RPH3A: variants seen among roughly 807,000 people sequenced by gnomAD.
RPH3A encodes rabphilin-3A.
RPH3A carries 48 observed loss-of-function variants against 102.2 expected under a neutral mutation model. The ratio of observed to expected loss-of-function variants is 0.47; its 90% CI spans 0.37 to 0.60. The LOEUF (loss-of-function observed/expected upper bound fraction) is 0.60. Among genes scored for constraint, RPH3A ranks in the 20% least tolerant of loss-of-function variants. RPH3A has a pLI of 0.00. For synonymous variants in RPH3A, 310 were observed against 324.3 expected, an observed-to-expected ratio of 0.96 and a Z score of 0.47; for missense variants, 781 against 910.1, an observed-to-expected ratio of 0.86 and a Z score of 1.83.
intron 17 of RPH3A, 21 bp downstream of exon 17, chr12:112,887,944 G>C: frequency 6.2e-7 from 1 of 1,611,530 alleles, no homozygotes; most frequent in East Asian, 2.2e-5. Context: ...TTACCCTGAG[G>C]ATCTGATGGG....
chr12:112,878,614 A>G (rs575152141), intron 13 of RPH3A, among the ~76,000 whole-genome samples: 6 of 152,344 alleles, frequency 3.9e-5, no homozygotes, highest in African/African-American at 1.4e-4. Flanking sequence ...TTGAGTGACT[A>G]TGATGGTAGC....
chr12:112,865,660 C>A, intron 6 of RPH3A, 117 bp downstream of exon 6: 1 of 1,140,574 alleles, frequency 8.8e-7, no homozygotes, highest in Non-Finnish European at 1.2e-6. Flanking sequence ...CTGAAGATCA[C>A]TTGCCAGGAT....
At chr12:112,887,662 A>G in intron 16 of RPH3A, 135 bp from the exon 17 acceptor site, 1 of 993,384 alleles carries the variant, frequency 1.0e-6, no homozygotes, top group Non-Finnish European at 1.5e-6. Context: ...TGGTCCAGTG[A>G]TAAATAAACA....
At chr12:112,759,139 G>A (rs2040838616) in intron 1 of RPH3A, among the ~76,000 whole-genome samples, 1 of 152,170 alleles carries the variant, frequency 6.6e-6, no homozygotes, top group African/African-American at 2.4e-5. Flanking sequence ...TGTTTTGAAA[G>A]CATGCAACAG....
At chr12:112,803,954 G>T (rs2041405720) in intron 2 of RPH3A, among the ~76,000 whole-genome samples, 1 of 152,196 alleles carries the variant, frequency 6.6e-6, no homozygotes, top group Non-Finnish European at 1.5e-5. Flanking sequence ...GTGGCTGCGA[G>T]AATTCCATGA....
At chr12:112,856,566 G>A (rs1176607592) in intron 5 of RPH3A, among the ~76,000 whole-genome samples, 1 of 151,950 alleles carries the variant, frequency 6.6e-6, no homozygotes, top group African/African-American at 2.4e-5. Flanking sequence ...GGATATATAT[G>A]TGTGGATGCA....
At chr12:112,620,832 C>A (rs2039716467) in intron 1 of RPH3A, among the ~76,000 whole-genome samples, 1 of 152,040 alleles carries the variant, frequency 6.6e-6, no homozygotes, top group Admixed American at 6.5e-5. Flanking sequence ...TTTCCTACTC[C>A]ACATCCAATT....
intron 5 of RPH3A, among the ~76,000 whole-genome samples, chr12:112,853,631 C>T (rs915189900): frequency 2.4e-4 from 36 of 152,124 alleles, no homozygotes; most frequent in African/African-American, 8.2e-4. Context: ...GAGTTTGAGA[C>T]CAGCCTGGCC....
At chr12:112,859,569 A>G (rs1206095440) in intron 5 of RPH3A, among the ~76,000 whole-genome samples, 2 of 152,056 alleles carry the variant, frequency 1.3e-5, no homozygotes, top group Non-Finnish European at 2.9e-5. Context: ...CACAATGGAG[A>G]TATTCAGGTG....
intron 1 of RPH3A, among the ~76,000 whole-genome samples, chr12:112,772,896 C>T (rs958945252): frequency 2.6e-5 from 4 of 152,008 alleles, no homozygotes; most frequent in East Asian, 1.9e-4. Context: ...TCCCACTCTT[C>T]CCCTCAAGTA....
At chr12:112,761,427 C>A (rs1320557697) in intron 1 of RPH3A, among the ~76,000 whole-genome samples, 1 of 152,194 alleles carries the variant, frequency 6.6e-6, no homozygotes, top group African/African-American at 2.4e-5. Flanking sequence ...TAAAGCAATC[C>A]CCCTCTTTCT....
At chr12:112,764,038 G>C (rs1229254515) in intron 1 of RPH3A, among the ~76,000 whole-genome samples, 1 of 152,186 alleles carries the variant, frequency 6.6e-6, no homozygotes, top group Non-Finnish European at 1.5e-5. Flanking sequence ...ACCTTGGCAG[G>C]ATATTTGAGG....
At chr12:112,753,240 T>C (rs556685935) in intron 1 of RPH3A, among the ~76,000 whole-genome samples, 9 of 152,306 alleles carry the variant, frequency 5.9e-5, no homozygotes, top group African/African-American at 1.9e-4. Context: ...AGGTGAGGGA[T>C]TCTGGGCAGA....
chr12:112,659,858 G>A (rs1260159548), intron 1 of RPH3A, among the ~76,000 whole-genome samples: 6 of 152,072 alleles, frequency 3.9e-5, no homozygotes, highest in Admixed American at 3.9e-4. Context: ...TTCTTCGGGT[G>A]CCCCTTTGCT....
chr12:112,895,067 G>GATTTTAAAAATC (rs1412189501), intron 20 of RPH3A, among the ~76,000 whole-genome samples: 1 of 152,076 alleles, frequency 6.6e-6, no homozygotes, highest in Non-Finnish European at 1.5e-5. Flanking sequence ...CAGATTGTCT[G>GATTTTAAAAATC]GGAACATATG....
chr12:112,791,867 G>GGGGAGAGAGAGA lies in RPH3A; in HGVS notation c.-284_-283insGGAGAGAGAGAG, dbSNP rs1555209147. Reference sequence around the variant, plus strand: ...CGCGGACTGGAAAGGAAGGGAGAAGGGAGAGAGAGAGAGAGAGAGAGAGAG... The same window carrying GGGGAGAGAGAGA: ...CGCGGACTGGAAAGGAAGGGAGAAGGGGGAGAGAGAGAGAGAGAGAGAGAGAGAGAGAGAGAG... On this transcript the variant is annotated 5_prime_UTR_variant, in exon 1 of 22. Transcript: ENST00000389385. 7 of 48,506 alleles carry GGGGAGAGAGAGA rather than the reference G, an allele frequency of 1.4e-4. No individual in the cohort carries two copies. The highest frequency in any genetic ancestry group is 2.9e-4 in the African/African-American group (3 of 10,428). The allele number at this position is 48,506 out of a possible 1,614,324, so 3.0% of individuals were successfully genotyped here. A position where few individuals can be genotyped will look rare whatever the true frequency, so the allele number is the denominator to read the frequency against.
intron 2 of RPH3A, among the ~76,000 whole-genome samples, chr12:112,825,861 A>G (rs2041860927): frequency 6.6e-6 from 1 of 152,206 alleles, no homozygotes; most frequent in Admixed American, 6.5e-5. Context: ...AGAGTAAAGG[A>G]GGCCAGAATG....
intron 1 of RPH3A, among the ~76,000 whole-genome samples, chr12:112,589,736 C>T (rs1413529825): frequency 6.6e-6 from 1 of 152,142 alleles, no homozygotes; most frequent in Non-Finnish European, 1.5e-5. Flanking sequence ...GGGCAGGGAC[C>T]CTGTCTGTAT....
chr12:112,668,674 G>T (rs1436947985), intron 1 of RPH3A, among the ~76,000 whole-genome samples: 1 of 152,142 alleles, frequency 6.6e-6, no homozygotes, highest in East Asian at 1.9e-4. Context: ...GGGGGCAAGG[G>T]GAGGGAGAGA....
Sources: gnomAD v4.1 joint callset for allele counts (sites outside exome capture counted in the v4.1 genomes callset) on GRCh38, gnomAD v4.1.1 for gene constraint, MANE v1.5 for transcripts, NCBI Gene and HGNC (gene_info 2026-07-23, HGNC 2026-07-21) for gene names.